SMOC2: variants seen among roughly 807,000 people sequenced by gnomAD.
SMOC2 encodes SPARC-related modular calcium-binding protein 2.
A neutral mutation model predicts 61.4 loss-of-function variants in SMOC2; 39 were observed. The observed-to-expected ratio is 0.64, with a 90% CI of 0.49 to 0.83. SMOC2 has a LOEUF of 0.83. SMOC2 is among the 40% of genes least tolerant of loss of function. SMOC2 has a pLI of 0.00. For missense variants in SMOC2, 556 were observed against 592.9 expected (o/e 0.94, Z 0.65); for synonymous variants, 247 against 239.9 (o/e 1.03, Z -0.27).
intron 7 of SMOC2, among the ~76,000 whole-genome samples, chr6:168,563,926 C>T (rs1245232185): frequency 6.6e-6 from 1 of 151,706 alleles, no homozygotes; most frequent in East Asian, 1.9e-4. Flanking sequence ...GGGGCGGGGG[C>T]GGGTGCTCAC....
intron 9 of SMOC2, among the ~76,000 whole-genome samples, chr6:168,649,768 C>T (rs541228732): frequency 6.6e-6 from 1 of 152,300 alleles, no homozygotes; most frequent in African/African-American, 2.4e-5. Context: ...GGCAGCTGAG[C>T]TGCTTCTCTA....
intron 11 of SMOC2, among the ~76,000 whole-genome samples, chr6:168,656,325 G>A (rs954507980): frequency 4.6e-5 from 7 of 151,780 alleles, no homozygotes; most frequent in African/African-American, 1.5e-4. Flanking sequence ...AGCCTGGCCA[G>A]CATAGTGAAA....
At chr6:168,579,974 G>A (rs1160126859) in intron 7 of SMOC2, among the ~76,000 whole-genome samples, 3 of 152,304 alleles carry the variant, frequency 2.0e-5, no homozygotes, top group African/African-American at 4.8e-5. Flanking sequence ...TGAGGACACC[G>A]GGGAGGATAC....
rs1436085776 is a variant in SMOC2, at chr6:168,442,741, T to G, written c.84+1287T>G. On this transcript the variant is annotated intron_variant, in intron 1 of 12. Transcript: ENST00000356284. The stretch of plus-strand genomic sequence containing the variant: ...TTTTTCTTTTTCTTCGTCTTCTTTC[T>G]TTTGCGTTTTAGCAGTGTGAAGGAT... 2.6e-5 allele frequency among the ~76,000 whole-genome samples: 4 copies of G among 152,258 alleles called. No individual in the cohort carries two copies. In the East Asian group the frequency reaches 7.7e-4, roughly 29 times the overall value.
chr6:168,536,993 GA>G (rs1783746778), intron 4 of SMOC2, among the ~76,000 whole-genome samples: 1 of 152,204 alleles, frequency 6.6e-6, no homozygotes, highest in Non-Finnish European at 1.5e-5. Context: ...GTCAGGACAA[GA>G]GTGAAAATGA....
At chr6:168,540,192 G>T (rs1323270569) in intron 4 of SMOC2, among the ~76,000 whole-genome samples, 1 of 152,260 alleles carries the variant, frequency 6.6e-6, no homozygotes, top group Non-Finnish European at 1.5e-5. Flanking sequence ...CGTGACAGGT[G>T]TGTATGAGGG....
At chr6:168,644,930 G>A (rs375656345) in intron 9 of SMOC2, among the ~76,000 whole-genome samples, 4 of 152,090 alleles carry the variant, frequency 2.6e-5, no homozygotes, top group Non-Finnish European at 4.4e-5. Flanking sequence ...GATTACAGGC[G>A]TGAGCCACCA....
chr6:168,490,393 C>T (rs1038734377), intron 1 of SMOC2, among the ~76,000 whole-genome samples: 12 of 152,156 alleles, frequency 7.9e-5, no homozygotes, highest in African/African-American at 1.4e-4. Context: ...TCTTGTGTCT[C>T]GTCAAGGCGC....
At chr6:168,526,788 T>C (rs1783465557) in intron 3 of SMOC2, among the ~76,000 whole-genome samples, 1 of 152,180 alleles carries the variant, frequency 6.6e-6, no homozygotes, top group Non-Finnish European at 1.5e-5. Context: ...GCTTAGAATT[T>C]AATTTTAGTT....
At chr6:168,486,809 T>C (rs967311540) in intron 1 of SMOC2, among the ~76,000 whole-genome samples, 2 of 152,060 alleles carry the variant, frequency 1.3e-5, no homozygotes, top group African/African-American at 4.8e-5. Flanking sequence ...GCTATCCAAA[T>C]CCATGTCTTC....
chr6:168,493,436 A>T (rs1196180155), intron 1 of SMOC2, among the ~76,000 whole-genome samples: 3 of 152,238 alleles, frequency 2.0e-5, no homozygotes, highest in Non-Finnish European at 4.4e-5. Flanking sequence ...CTTACTTTGT[A>T]CAAGATCTTC....
Position 168,510,035 on chromosome 6 carries a change from G to T in SMOC2, c.205G>T (p.Ala69Ser). The T allele has an allele frequency of 6.2e-7, 1 of 1,614,210 alleles. No homozygotes were observed. Among genetic ancestry groups the T allele is most frequent in the South Asian group, 1.1e-5 (1 of 91,080 alleles). The change falls in exon 2 of 13, where the codon GCC becomes TCC. Residue 69 changes from alanine to serine, a missense_variant. Ala to Ser is a moderately conservative substitution (Grantham distance 99). Coordinates refer to ENST00000356284, the MANE Select transcript of SMOC2 (RefSeq NM_001166412.2). The part of the protein sequence containing the change: ...TFLSRCEFQR[A>S]KCKDPQLEIA... Reference sequence around the variant, plus strand: ...CCTTTCCCGTTGTGAATTTCAACGTGCCAAGTGCAAAGATCCCCAGCTAGA... The same window carrying T: ...CCTTTCCCGTTGTGAATTTCAACGTTCCAAGTGCAAAGATCCCCAGCTAGA...
At chr6:168,506,751 T>G (rs1334771902) in intron 1 of SMOC2, among the ~76,000 whole-genome samples, 1 of 152,224 alleles carries the variant, frequency 6.6e-6, no homozygotes, top group Non-Finnish European at 1.5e-5. Context: ...ATTGTGGGGT[T>G]TTTTAATAAA....
At chr6:168,463,777 C>T (rs747499622) in intron 1 of SMOC2, among the ~76,000 whole-genome samples, 1 of 152,162 alleles carries the variant, frequency 6.6e-6, no homozygotes, top group Non-Finnish European at 1.5e-5. Flanking sequence ...GTTGCTCAGG[C>T]ATCATCTCTA....
intron 7 of SMOC2, among the ~76,000 whole-genome samples, chr6:168,557,115 A>G (rs1320695943): frequency 6.6e-6 from 1 of 152,164 alleles, no homozygotes; most frequent in African/African-American, 2.4e-5. Context: ...TGCATTCCCT[A>G]TGGGAAAACG....
At chr6:168,567,916 G>A (rs1784579156) in intron 7 of SMOC2, among the ~76,000 whole-genome samples, 1 of 151,648 alleles carries the variant, frequency 6.6e-6, no homozygotes. Context: ...AGACCGGATG[G>A]TGTGAGTCGG....
At chr6:168,485,267 C>G (rs1422110627) in intron 1 of SMOC2, among the ~76,000 whole-genome samples, 2 of 152,082 alleles carry the variant, frequency 1.3e-5, no homozygotes, top group Non-Finnish European at 2.9e-5. Flanking sequence ...CTTTGGAAAA[C>G]AGTTTTCCAA....
chr6:168,563,871 G>A (rs369688588), intron 7 of SMOC2, among the ~76,000 whole-genome samples: 4 of 152,076 alleles, frequency 2.6e-5, no homozygotes, highest in East Asian at 3.9e-4. Flanking sequence ...CTCGGTGTCC[G>A]TAGAGCAAGC....
intron 9 of SMOC2, among the ~76,000 whole-genome samples, chr6:168,647,465 G>T (rs1056813664): frequency 1.6e-4 from 24 of 152,202 alleles, no homozygotes; most frequent in Non-Finnish European, 2.8e-4. Flanking sequence ...TTACAGCAAG[G>T]GTTGGCAGGG....
Sources: allele counts gnomAD v4.1 joint callset (sites outside exome capture counted in the v4.1 genomes callset), GRCh38; gene constraint gnomAD v4.1.1; transcripts MANE v1.5; gene names NCBI Gene and HGNC (gene_info 2026-07-23, HGNC 2026-07-21).